SIK3: variants seen among roughly 807,000 people sequenced by gnomAD.
SIK3 encodes SIK family kinase 3, also known as serine/threonine-protein kinase SIK3.
In SIK3, 28 loss-of-function variants were observed where a neutral mutation model predicts 144.2. The ratio of observed to expected loss-of-function variants is 0.19; its 90% confidence interval spans 0.14 to 0.27. The LOEUF is 0.27. Ranked by LOEUF, SIK3 falls within the 10% of genes least tolerant of loss-of-function variation. The probability of loss-of-function intolerance (pLI) is 1.00; values close to 1 mark genes in which losing one functional copy is unlikely to be tolerated. For synonymous variants in SIK3, 686 were observed against 676.3 expected (o/e 1.01, Z -0.22); for missense variants, 1,319 against 1,776.0 (o/e 0.74, Z 4.62).
At chr11:117,097,824 G>A (rs1425413044) in intron 1 of SIK3, among the ~76,000 whole-genome samples, 2 of 151,982 alleles carry the variant, frequency 1.3e-5, no homozygotes, top group African/African-American at 4.8e-5. Context: ...ACAGTCTCCC[G>A]GCCCTCGGGG....
intron 4 of SIK3, among the ~76,000 whole-genome samples, chr11:116,907,911 C>T (rs1946128965): frequency 6.6e-6 from 1 of 151,632 alleles, no homozygotes. Flanking sequence ...GGCTGCCATC[C>T]TCACACTCTA....
chr11:116,875,103 T>C (rs1944177809), intron 11 of SIK3, 55 bp downstream of exon 11: 2 of 1,397,728 alleles, frequency 1.4e-6, no homozygotes, highest in East Asian at 2.3e-5. Flanking sequence ...ACACTGAAAG[T>C]CAGGTGACAA....
At chr11:116,982,297 T>C (rs1454038117) in intron 1 of SIK3, among the ~76,000 whole-genome samples, 1 of 151,314 alleles carries the variant, frequency 6.6e-6, no homozygotes, top group Non-Finnish European at 1.5e-5. Context: ...TGATGCTTTT[T>C]TTTTTTTTTC....
chr11:117,087,280 T>A (rs1955058377), intron 1 of SIK3, among the ~76,000 whole-genome samples: 2 of 151,846 alleles, frequency 1.3e-5, no homozygotes, highest in Non-Finnish European at 2.9e-5. Context: ...CCATCTCTAC[T>A]AAAAATACAA....
chr11:117,098,378 G>C lies in SIK3; in HGVS notation c.38C>G (p.Ala13Gly). 1 of 1,166,414 alleles carries C rather than the reference G, an allele frequency of 8.6e-7. No individual in the cohort carries two copies. The highest frequency in any genetic ancestry group is 1.1e-6 in the Non-Finnish European group (1 of 948,420). The allele number at this position is 1,166,414 out of a possible 1,614,324, so 72.3% of individuals were successfully genotyped here. A position where few individuals can be genotyped will look rare whatever the true frequency, so the allele number is the denominator to read the frequency against. ...AAAASGAGGA[A>G]GAGTGGAGPA... Reference sequence around the variant, plus strand: ...CCCGGCTCCCCCAGTCCCGGCCCCGGCAGCCCCGCCAGCTCCGCTCGCCGC... The same window carrying C: ...CCCGGCTCCCCCAGTCCCGGCCCCGCCAGCCCCGCCAGCTCCGCTCGCCGC... The change falls in exon 1 of 25, where the codon GCC (alanine) becomes GGC (glycine). Residue 13 changes from alanine (A) to glycine (G), a missense_variant. Around this residue, in one of 8 missense-constraint regions of SIK3, gnomAD observed 114 missense variants for 116.2 expected, o/e 0.98. Transcript: ENST00000445177.
At chr11:117,088,345 A>C (rs192193632) in intron 1 of SIK3, among the ~76,000 whole-genome samples, 2 of 152,342 alleles carry the variant, frequency 1.3e-5, no homozygotes, top group East Asian at 1.9e-4. Flanking sequence ...GATATGCCAA[A>C]AATCAATTAC....
intron 1 of SIK3, among the ~76,000 whole-genome samples, chr11:117,005,392 A>G (rs1951010986): frequency 6.6e-6 from 1 of 151,312 alleles, no homozygotes; most frequent in Non-Finnish European, 1.5e-5. Context: ...ACATTTTTAA[A>G]TGGTAAAAGG....
chr11:116,961,563 T>TA (rs1202239619), intron 1 of SIK3, among the ~76,000 whole-genome samples: 1 of 152,204 alleles, frequency 6.6e-6, no homozygotes, highest in Non-Finnish European at 1.5e-5. Context: ...AAAGAAAAGA[T>TA]AAACTCTCAA....
At chr11:116,987,302 G>A (rs1309600957) in intron 1 of SIK3, among the ~76,000 whole-genome samples, 2 of 136,960 alleles carry the variant, frequency 1.5e-5, no homozygotes, top group Non-Finnish European at 1.5e-5. Flanking sequence ...TGTGTGTATT[G>A]TATGTCTTCA....
At chr11:116,856,852 A>G (rs1942965705) in intron 21 of SIK3, 1 of 152,270 alleles carries the variant, frequency 6.6e-6, no homozygotes, top group South Asian at 2.1e-4. Flanking sequence ...TTTAAATGAC[A>G]GGGCAGGAGA....
chr11:116,927,425 T>G (rs1239405625), intron 3 of SIK3, 45 bp from the exon 4 acceptor site: 3 of 1,588,282 alleles, frequency 1.9e-6, no homozygotes, highest in Non-Finnish European at 2.6e-6. Context: ...TGGACACTTG[T>G]GTAATTTCAA....
At chr11:116,916,547 G>A (rs1946642537) in intron 4 of SIK3, among the ~76,000 whole-genome samples, 1 of 140,158 alleles carries the variant, frequency 7.1e-6, no homozygotes, top group Admixed American at 7.5e-5. Context: ...GTCTTGCTCT[G>A]TCGCCCAGGC....
chr11:116,862,349 C>T, intron 16 of SIK3, 22 bp from the exon 17 acceptor site: 1 of 1,613,958 alleles, frequency 6.2e-7, no homozygotes, highest in Non-Finnish European at 8.5e-7. Flanking sequence ...GTAGTTAATA[C>T]AGATGGGATG....
At chr11:116,972,086 C>CAAAAAA (rs35775477) in intron 1 of SIK3, among the ~76,000 whole-genome samples, 7 of 111,982 alleles carry the variant, frequency 6.3e-5, no homozygotes, top group East Asian at 2.4e-4. Context: ...GACTCGGTCT[C>CAAAAAA]AAAAAAAAAA....
At chr11:116,889,072 C>G (rs1237283710) in intron 6 of SIK3, among the ~76,000 whole-genome samples, 1 of 152,156 alleles carries the variant, frequency 6.6e-6, no homozygotes, top group Non-Finnish European at 1.5e-5. Flanking sequence ...TTATCTTGCT[C>G]TTTTTGCAAC....
intron 1 of SIK3, among the ~76,000 whole-genome samples, chr11:117,081,189 A>C (rs1008054082): frequency 6.6e-6 from 1 of 151,922 alleles, no homozygotes; most frequent in Non-Finnish European, 1.5e-5. Context: ...ATGGGGAAAA[A>C]ATCTGGTTAT....
chr11:116,947,569 A>ATGTATGTATGTATGTATGTATGTATTT (rs374241141), intron 3 of SIK3, among the ~76,000 whole-genome samples: 1 of 109,448 alleles, frequency 9.1e-6, no homozygotes, highest in Non-Finnish European at 1.9e-5. Context: ...GTATGTATGT[A>ATGTATGTATGTATGTATGTATGTATTT]TTTTTTTTTT....
chr11:116,885,910 C>CA (rs1202990755), intron 6 of SIK3, among the ~76,000 whole-genome samples: 1 of 152,218 alleles, frequency 6.6e-6, no homozygotes, highest in African/African-American at 2.4e-5. Context: ...CAGCTTACCT[C>CA]AGACAGTTGT....
chr11:116,921,400 G>A (rs1041101182), intron 4 of SIK3, among the ~76,000 whole-genome samples: 5 of 152,078 alleles, frequency 3.3e-5, no homozygotes, highest in African/African-American at 1.2e-4. Context: ...CTGGAGTCAC[G>A]TTTCACGCTT....
Sources: allele counts gnomAD v4.1 joint callset (sites outside exome capture counted in the v4.1 genomes callset), GRCh38; gene constraint gnomAD v4.1.1; regional missense constraint gnomAD v4.1.1; transcripts MANE v1.5; gene names NCBI Gene and HGNC (gene_info 2026-07-23, HGNC 2026-07-21).